TTC6: variants seen among roughly 807,000 people sequenced by gnomAD.
TTC6 encodes tetratricopeptide repeat domain 6.
Under a neutral mutation model 210.4 loss-of-function variants are expected in TTC6, and 172 were observed. The ratio of observed to expected loss-of-function variants is 0.82; its 90% CI spans 0.72 to 0.93. The LOEUF (loss-of-function observed/expected upper bound fraction) is 0.93, where lower values mean the gene tolerates loss of function less well. Ranked by LOEUF, TTC6 falls within the 40% of genes least tolerant of loss-of-function variation. The pLI, the probability that TTC6 is intolerant of heterozygous loss-of-function variation, is 0.00. For synonymous variants in TTC6, 804 were observed against 819.6 expected (o/e 0.98, Z 0.32); for missense variants, 2,414 against 2,318.1 (o/e 1.04, Z -0.85).
chr14:37,759,230 T>C (rs1433485275), intron 14 of TTC6, among the ~76,000 whole-genome samples: 1 of 142,796 alleles, frequency 7.0e-6, no homozygotes, highest in African/African-American at 2.6e-5. Context: ...ACCACTGTAC[T>C]ACAGCCTGGG....
chr14:37,703,829 T>C (rs2095830192), intron 5 of TTC6, among the ~76,000 whole-genome samples: 1 of 152,134 alleles, frequency 6.6e-6, no homozygotes, highest in Non-Finnish European at 1.5e-5. Flanking sequence ...TAAAAATGAT[T>C]TGTATATTAT....
intron 1 of TTC6, among the ~76,000 whole-genome samples, chr14:37,605,786 C>G (rs1220143200): frequency 6.6e-6 from 1 of 152,166 alleles, no homozygotes; most frequent in Non-Finnish European, 1.5e-5. Context: ...CAGCTACTAC[C>G]TCCAAGAAAA....
chr14:37,782,251 A>G (rs2096056951), intron 14 of TTC6, among the ~76,000 whole-genome samples: 1 of 152,124 alleles, frequency 6.6e-6, no homozygotes, highest in Admixed American at 6.5e-5. Context: ...GATTCTTCCT[A>G]TCCATGAGCA....
At chr14:37,789,159 T>G (rs2096073941) in intron 15 of TTC6, among the ~76,000 whole-genome samples, 1 of 152,158 alleles carries the variant, frequency 6.6e-6, no homozygotes, top group South Asian at 2.1e-4. Flanking sequence ...AATAATGATA[T>G]CTAACATTTA....
intron 25 of TTC6, among the ~76,000 whole-genome samples, chr14:37,815,390 C>T (rs562227804): frequency 1.3e-5 from 2 of 152,204 alleles, no homozygotes; most frequent in African/African-American, 4.8e-5. Context: ...GTTCCACCTC[C>T]GATCATGGGG....
chr14:37,701,615 A>G, intron 5 of TTC6, 89 bp downstream of exon 7: 2 of 1,237,452 alleles, frequency 1.6e-6, no homozygotes, highest in Non-Finnish European at 2.1e-6. Context: ...TAAAGACTTG[A>G]TTCTGTTCTT....
chr14:37,787,515 C>G, exon 15 of TTC6: 1 of 1,529,758 alleles, frequency 6.5e-7, no homozygotes, highest in Non-Finnish European at 8.8e-7. Context: ...TATAAAGAAG[C>G]AACTCAAGAT....
chr14:37,656,265 A>AT (rs1471583032), intron 1 of TTC6, among the ~76,000 whole-genome samples: 5 of 152,194 alleles, frequency 3.3e-5, no homozygotes, highest in African/African-American at 1.2e-4. Context: ...AACTACAGAC[A>AT]TAAGTATAGA....
chr14:37,651,414 TATATATATA>T (rs1566864396), intron 1 of TTC6, among the ~76,000 whole-genome samples: 3 of 27,512 alleles, frequency 1.1e-4, no homozygotes, highest in Non-Finnish European at 1.9e-4. Flanking sequence ...TATATATATA[TATATATATA>T]TATTTTTTTT....
At chr14:37,823,907 A>T in exon 27 of TTC6, 2 of 1,614,034 alleles carry the variant, frequency 1.2e-6, no homozygotes, top group East Asian at 4.5e-5. Context: ...AGCACTGCAT[A>T]TTAATCCAGC....
intron 1 of TTC6, among the ~76,000 whole-genome samples, chr14:37,635,416 A>G (rs2095678264): frequency 6.6e-6 from 1 of 152,252 alleles, no homozygotes; most frequent in Admixed American, 6.5e-5. Context: ...AAGAACAAAA[A>G]GAAAACAAAA....
exon 31 of TTC6, chr14:37,842,373 AC>A: frequency 3.9e-6 from 5 of 1,278,424 alleles, no homozygotes; most frequent in Non-Finnish European, 5.1e-6. Context: ...AAAAGGTTCT[AC>A]CATTTTCATT....
intron 5 of TTC6, among the ~76,000 whole-genome samples, chr14:37,702,096 C>G (rs1233901341): frequency 6.6e-6 from 1 of 152,160 alleles, no homozygotes; most frequent in Non-Finnish European, 1.5e-5. Context: ...AATGTTTATG[C>G]AGCAGTAACT....
chr14:37,621,965 A>G, upstream of TTC6: 3 of 870,816 alleles, frequency 3.4e-6, no homozygotes, highest in Non-Finnish European at 5.1e-6. Flanking sequence ...AGCTTTGCTG[A>G]GCTGAAATTT....
intron 1 of TTC6, among the ~76,000 whole-genome samples, chr14:37,596,448 GTCC>G (rs1326209162): frequency 6.6e-6 from 1 of 152,242 alleles, no homozygotes; most frequent in African/African-American, 2.4e-5. Context: ...TTCCTAATCG[GTCC>G]TGGACGTCGG....
Position 37,711,566 on chromosome 14 carries a change from A to AT in TTC6, c.1572-3081dup, listed in dbSNP as rs199779034. On this transcript the variant is annotated intron_variant, in intron 5 of 30. Transcript: ENST00000553443. ...CTGGAGTAATCCCAGCACATAAGGCATTTTTTTTGCATTGCAAATGTAGCT... is the reference window on the plus strand; with the variant it reads ...CTGGAGTAATCCCAGCACATAAGGCATTTTTTTTTGCATTGCAAATGTAGCT... Among the ~76,000 whole-genome samples the AT allele has an allele frequency of 3.3e-3, 498 of 151,840 alleles. 3 individuals are homozygous for AT. Among genetic ancestry groups the AT allele is most frequent in the African/African-American group, 9.4e-3 (390 of 41,428 alleles).
At chr14:37,781,594 G>T (rs2139260729) in intron 14 of TTC6, among the ~76,000 whole-genome samples, 1 of 152,216 alleles carries the variant, frequency 6.6e-6, no homozygotes, top group East Asian at 1.9e-4. Flanking sequence ...CACTCTGATG[G>T]TAGTTTCTTT....
exon 1 of TTC6, chr14:37,622,796 G>T (rs2095653841): frequency 3.3e-6 from 5 of 1,534,570 alleles, no homozygotes; most frequent in Non-Finnish European, 4.4e-6. Context: ...AAGCGGCGGG[G>T]TTAGGAGCCC....
intron 1 of TTC6, among the ~76,000 whole-genome samples, chr14:37,651,000 T>G (rs955636654): frequency 2.6e-5 from 4 of 152,216 alleles, no homozygotes; most frequent in Admixed American, 6.5e-5. Flanking sequence ...GGGCAGCTTT[T>G]AAAACTTAAT....
Sources: gnomAD v4.1 joint callset for allele counts (sites outside exome capture counted in the v4.1 genomes callset) on GRCh38, gnomAD v4.1.1 for gene constraint, MANE v1.5 for transcripts, NCBI Gene and HGNC (gene_info 2026-07-23, HGNC 2026-07-21) for gene names.